PTPRD: variants seen among roughly 807,000 people sequenced by gnomAD.
PTPRD encodes protein tyrosine phosphatase receptor type D, also known as receptor-type tyrosine-protein phosphatase delta.
Under a neutral mutation model 214.5 loss-of-function variants are expected in PTPRD, and 34 were observed. The ratio of observed to expected loss-of-function variants is 0.16; its 90% CI spans 0.12 to 0.21. The LOEUF (loss-of-function observed/expected upper bound fraction) is 0.21. Ranked by LOEUF, PTPRD falls within the 10% of genes least tolerant of loss-of-function variation. The pLI, the probability that PTPRD is intolerant of heterozygous loss-of-function variation, is 1.00. For missense variants in PTPRD, 2,545 were observed against 2,398.7 expected, an observed-to-expected ratio of 1.06 and a Z score of -1.27; for synonymous variants, 1,128 against 845.7, an observed-to-expected ratio of 1.33 and a Z score of -5.79.
At chr9:9,287,418 A>C (rs1397152571) in intron 9 of PTPRD, among the ~76,000 whole-genome samples, 1 of 151,834 alleles carries the variant, frequency 6.6e-6, no homozygotes, top group Non-Finnish European at 1.5e-5. Flanking sequence ...TATATGTCTC[A>C]AGTTTGCAGA....
At chr9:8,771,106 G>C (rs1175204597) in intron 11 of PTPRD, among the ~76,000 whole-genome samples, 3 of 150,710 alleles carry the variant, frequency 2.0e-5, no homozygotes, top group Non-Finnish European at 4.4e-5. Context: ...GTGTGAACCT[G>C]GGAGGCAGAG....
chr9:9,526,795 T>G (rs1054025758), intron 8 of PTPRD, among the ~76,000 whole-genome samples: 86 of 152,326 alleles, frequency 5.6e-4, no homozygotes, highest in African/African-American at 1.9e-3. Flanking sequence ...ATAATTAACA[T>G]GATGAGTTCT....
intron 10 of PTPRD, among the ~76,000 whole-genome samples, chr9:9,177,698 T>G (rs1209362157): frequency 6.6e-6 from 1 of 152,078 alleles, no homozygotes; most frequent in Non-Finnish European, 1.5e-5. Flanking sequence ...ATCCTATCAA[T>G]CTTGACTTGA....
chr9:10,259,819 T>C (rs2093573604), intron 3 of PTPRD, among the ~76,000 whole-genome samples: 2 of 152,166 alleles, frequency 1.3e-5, no homozygotes, highest in Admixed American at 6.5e-5. Context: ...CAGGTCTTGA[T>C]TTCCAAAGTC....
intron 34 of PTPRD, among the ~76,000 whole-genome samples, chr9:8,445,918 G>A (rs1421940872): frequency 6.6e-6 from 1 of 152,180 alleles, no homozygotes; most frequent in Non-Finnish European, 1.5e-5. Context: ...AGCACCATCA[G>A]TGACTTCAGA....
chr9:8,948,020 TC>T (rs2099076448), intron 11 of PTPRD, among the ~76,000 whole-genome samples: 2 of 78,766 alleles, frequency 2.5e-5, no homozygotes, highest in Admixed American at 1.6e-4. Context: ...GCTCTCTCTC[TC>T]TTTTTTTTTT....
At chr9:9,842,639 G>A (rs142993876) in intron 5 of PTPRD, among the ~76,000 whole-genome samples, 1 of 150,672 alleles carries the variant, frequency 6.6e-6, no homozygotes, top group East Asian at 1.9e-4. Flanking sequence ...TAACATACCA[G>A]TTAAAAACTA....
intron 2 of PTPRD, among the ~76,000 whole-genome samples, chr9:10,357,046 T>C (rs2097292627): frequency 6.6e-6 from 1 of 152,180 alleles, no homozygotes; most frequent in Non-Finnish European, 1.5e-5. Flanking sequence ...CTTTCACTTA[T>C]AAATGATGTA....
intron 3 of PTPRD, among the ~76,000 whole-genome samples, chr9:10,269,574 AG>A (rs907217052): frequency 3.9e-5 from 6 of 152,180 alleles, no homozygotes; most frequent in Non-Finnish European, 1.5e-5. Context: ...CTGCCTAGTA[AG>A]ACTGTAAGCT....
At chr9:8,998,468 C>T (rs995262025) in intron 11 of PTPRD, among the ~76,000 whole-genome samples, 3 of 151,898 alleles carry the variant, frequency 2.0e-5, no homozygotes, top group Non-Finnish European at 4.4e-5. Flanking sequence ...ATATTTTAAG[C>T]CCATTGTTGA....
intron 5 of PTPRD, among the ~76,000 whole-genome samples, chr9:9,795,677 C>A (rs2098997587): frequency 2.6e-5 from 4 of 151,986 alleles, no homozygotes; most frequent in Admixed American, 2.0e-4. Flanking sequence ...ATTAGTATTT[C>A]TTTGTGGTAG....
intron 2 of PTPRD, among the ~76,000 whole-genome samples, chr9:10,578,845 T>C (rs937293333): frequency 1.3e-5 from 2 of 152,192 alleles, no homozygotes; most frequent in Non-Finnish European, 2.9e-5. Context: ...GTGGTGAGTA[T>C]AGTACCCAAT....
At chr9:10,421,557 G>T (rs2098545998) in intron 2 of PTPRD, among the ~76,000 whole-genome samples, 1 of 151,722 alleles carries the variant, frequency 6.6e-6, no homozygotes, top group South Asian at 2.1e-4. Context: ...TATAACAACA[G>T]ATTTTACTGT....
chr9:8,608,383 G>C (rs975427484), intron 14 of PTPRD, among the ~76,000 whole-genome samples: 1 of 152,140 alleles, frequency 6.6e-6, no homozygotes, highest in African/African-American at 2.4e-5. Flanking sequence ...AAAGAGATTA[G>C]ATAGGAAGAA....
At chr9:10,434,988 G>A (rs536245750) in intron 2 of PTPRD, among the ~76,000 whole-genome samples, 1 of 151,774 alleles carries the variant, frequency 6.6e-6, no homozygotes, top group African/African-American at 2.4e-5. Context: ...TGGTAGATGA[G>A]GAGGAAAACT....
chr9:9,649,165 G>A (rs1378753313), intron 7 of PTPRD, among the ~76,000 whole-genome samples: 1 of 152,164 alleles, frequency 6.6e-6, no homozygotes, highest in African/African-American at 2.4e-5. Flanking sequence ...CCATATATCA[G>A]TAATTTTCTA....
intron 5 of PTPRD, among the ~76,000 whole-genome samples, chr9:9,774,059 C>G (rs542943893): frequency 6.6e-6 from 1 of 152,234 alleles, no homozygotes; most frequent in African/African-American, 2.4e-5. Context: ...TCTACTCTGC[C>G]TTTGCACTAA....
intron 27 of PTPRD, among the ~76,000 whole-genome samples, chr9:8,490,878 T>C (rs918808444): frequency 6.6e-6 from 1 of 152,218 alleles, no homozygotes; most frequent in Non-Finnish European, 1.5e-5. Context: ...CAAGAATTCC[T>C]GAATTCTTTG....
chr9:8,496,019 A>G (rs1182568780), intron 26 of PTPRD, among the ~76,000 whole-genome samples: 2 of 151,990 alleles, frequency 1.3e-5, no homozygotes, highest in Admixed American at 6.6e-5. Flanking sequence ...TCTTAGCTCT[A>G]TTTACCACTG....
Sources: gnomAD v4.1 joint callset for allele counts (sites outside exome capture counted in the v4.1 genomes callset) on GRCh38, gnomAD v4.1.1 for gene constraint, MANE v1.5 for transcripts, NCBI Gene and HGNC (gene_info 2026-07-23, HGNC 2026-07-21) for gene names.